Variants in TFEC observed in about 807,000 individuals in gnomAD.
The protein encoded by TFEC is class E basic helix-loop-helix protein 34.
In TFEC, 31 loss-of-function variants were observed where a neutral mutation model predicts 41.6. The ratio of observed to expected loss-of-function variants is 0.74; its 90% CI spans 0.56 to 1.01. The LOEUF (loss-of-function observed/expected upper bound fraction) is 1.01. TFEC is among the 50% of genes least tolerant of loss of function. TFEC has a pLI of 0.00. For missense variants in TFEC, 402 were observed against 404.1 expected (o/e 0.99, Z 0.04); for synonymous variants, 143 against 140.6 (o/e 1.02, Z -0.12).
At chr7:116,157,345 G>A (rs571998688) in intron 1 of TFEC, 1 of 150,036 alleles carries the variant, frequency 6.7e-6, no homozygotes, top group East Asian at 2.0e-4. Flanking sequence ...TTTCACTTAT[G>A]ACAGTTAACA....
upstream of TFEC, among the ~76,000 whole-genome samples, chr7:116,032,115 T>C (rs1398457821): frequency 1.3e-5 from 2 of 152,174 alleles, no homozygotes; most frequent in East Asian, 1.9e-4. Context: ...TGTATTACTA[T>C]GTGGGCTTCA....
chr7:116,017,808 C>T (rs1396435076), intron 1 of TFEC, among the ~76,000 whole-genome samples: 1 of 152,218 alleles, frequency 6.6e-6, no homozygotes, highest in Non-Finnish European at 1.5e-5. Context: ...CTTCTAACCA[C>T]TGTTTAAATA....
intron 1 of TFEC, among the ~76,000 whole-genome samples, chr7:116,144,408 T>C (rs1377018109): frequency 5.9e-5 from 9 of 152,222 alleles, no homozygotes; most frequent in Admixed American, 5.9e-4. Flanking sequence ...AGATTTGTGA[T>C]TGTTAATTTT....
In TFEC at chr7:115,941,719, C is replaced by G. The variant is rs1478839828; in HGVS notation, c.663+174G>C. Reference sequence around the variant, plus strand: ...GCCATCTTGATCCTGGATTTCTAGTCAAATCCTAATTGAAACAACCCAATT... The same window carrying G: ...GCCATCTTGATCCTGGATTTCTAGTGAAATCCTAATTGAAACAACCCAATT... On this transcript the variant is annotated intron_variant, in intron 7 of 7. Coordinates refer to ENST00000265440, the MANE Select transcript of TFEC (RefSeq NM_012252.4). 5.5e-6 allele frequency: 4 copies of G among 732,860 alleles called. No homozygotes were observed. The East Asian group carries it at 8.2e-5, about 15-fold the overall frequency. The allele number at this position is 732,860 out of a possible 1,614,324, so 45.4% of individuals were successfully genotyped here.
At chr7:115,951,617 C>T (rs920869114) in intron 5 of TFEC, among the ~76,000 whole-genome samples, 5 of 152,066 alleles carry the variant, frequency 3.3e-5, no homozygotes, top group Non-Finnish European at 4.4e-5. Flanking sequence ...TTGCACCACA[C>T]ACTTAAAGAT....
chr7:116,092,655 T>C (rs1012934107), intron 3 of TFEC, among the ~76,000 whole-genome samples: 4 of 152,316 alleles, frequency 2.6e-5, no homozygotes, highest in Admixed American at 2.6e-4. Flanking sequence ...AATCAGGCTA[T>C]GGTTAAAGGA....
chr7:115,967,373 A>G lies in TFEC; in HGVS notation c.267+6797T>C, dbSNP rs142661398. Among the ~76,000 whole-genome samples the G allele has an allele frequency of 2.1e-3, 321 of 151,848 alleles. 1 individual carries two copies. Among genetic ancestry groups the G allele is most frequent in the African/African-American group, 7.4e-3 (308 of 41,494 alleles). On this transcript the variant is annotated intron_variant, in intron 3 of 7. Coordinates refer to ENST00000265440, the MANE Select transcript of TFEC (RefSeq NM_012252.4). ...AAAAGATTAGATAGAATAATTGTAG[A>G]CATAAAAGGAAAATAAACTTCATGT...
At chr7:115,972,272 G>T (rs2130586658) in intron 3 of TFEC, among the ~76,000 whole-genome samples, 1 of 152,134 alleles carries the variant, frequency 6.6e-6, no homozygotes, top group East Asian at 1.9e-4. Context: ...CATTTGAGCT[G>T]CAGAGCAAAT....
chr7:115,986,775 G>A (rs1333007320), intron 1 of TFEC, among the ~76,000 whole-genome samples: 1 of 98,582 alleles, frequency 1.0e-5, no homozygotes, highest in Non-Finnish European at 1.9e-5. Context: ...GGGGGGAGGG[G>A]GGAGGGATAG....
At chr7:116,058,701 A>G (rs1283727088) in intron 3 of TFEC, among the ~76,000 whole-genome samples, 1 of 151,848 alleles carries the variant, frequency 6.6e-6, no homozygotes. Flanking sequence ...CGTTCTCTCC[A>G]TAGCATAATT....
chr7:115,957,834 G>A (rs1289050842), intron 3 of TFEC, among the ~76,000 whole-genome samples: 1 of 151,794 alleles, frequency 6.6e-6, no homozygotes, highest in African/African-American at 2.4e-5. Flanking sequence ...AATTCAATTT[G>A]AGAGAACTGA....
chr7:116,061,112 A>C (rs1796546198), intron 3 of TFEC, among the ~76,000 whole-genome samples: 1 of 152,190 alleles, frequency 6.6e-6, no homozygotes, highest in African/African-American at 2.4e-5. Flanking sequence ...AGAAATTGAC[A>C]AGCTGATTCT....
At chr7:116,043,556 T>A (rs1796090070) in intron 3 of TFEC, among the ~76,000 whole-genome samples, 2 of 152,176 alleles carry the variant, frequency 1.3e-5, no homozygotes, top group Admixed American at 1.3e-4. Context: ...CAAAGCTAAG[T>A]GAGCTATGAT....
At chr7:116,041,399 G>A (rs1422610967) in intron 3 of TFEC, among the ~76,000 whole-genome samples, 1 of 151,890 alleles carries the variant, frequency 6.6e-6, no homozygotes, top group East Asian at 1.9e-4. Flanking sequence ...AGTAATTTTG[G>A]GCATGTGTAT....
At chr7:115,945,827 C>A (rs1394313520) in intron 6 of TFEC, among the ~76,000 whole-genome samples, 1 of 151,670 alleles carries the variant, frequency 6.6e-6, no homozygotes, top group East Asian at 2.0e-4. Context: ...CGGCCCATAG[C>A]TTATTTTTGT....
chr7:115,950,058 C>T (rs1332796141), intron 6 of TFEC, among the ~76,000 whole-genome samples: 1 of 146,384 alleles, frequency 6.8e-6, no homozygotes, highest in Non-Finnish European at 1.5e-5. Context: ...GTTGCCCAGG[C>T]TGGAGTGCAG....
intron 1 of TFEC, among the ~76,000 whole-genome samples, chr7:116,007,646 A>G (rs1399920845): frequency 6.6e-6 from 1 of 152,166 alleles, no homozygotes; most frequent in Non-Finnish European, 1.5e-5. Flanking sequence ...TTCAGATCCT[A>G]CTAGGTGAAT....
chr7:115,985,715 A>G (rs994948357), intron 1 of TFEC, among the ~76,000 whole-genome samples: 3 of 152,102 alleles, frequency 2.0e-5, no homozygotes, highest in African/African-American at 7.2e-5. Flanking sequence ...TTTTTCAGTC[A>G]TATAAAAAAG....
intron 1 of TFEC, among the ~76,000 whole-genome samples, chr7:116,122,649 T>C (rs1287314464): frequency 6.6e-6 from 1 of 152,090 alleles, no homozygotes; most frequent in Admixed American, 6.6e-5. Flanking sequence ...GCAGGCTTTC[T>C]TCAACTTGGA....
Sources: gnomAD v4.1 joint callset for allele counts (sites outside exome capture counted in the v4.1 genomes callset) on GRCh38, gnomAD v4.1.1 for gene constraint, MANE v1.5 for transcripts, NCBI Gene and HGNC (gene_info 2026-07-23, HGNC 2026-07-21) for gene names.